BTK: variants seen among roughly 807,000 people sequenced by gnomAD.
BTK encodes the protein tyrosine-protein kinase BTK.
A neutral mutation model predicts 57.4 loss-of-function variants in BTK; 5 were observed. That is an observed-to-expected ratio of 0.09 (90% CI 0.05 to 0.18). The LOEUF is 0.18. Among genes scored for constraint, BTK ranks in the 10% least tolerant of loss-of-function variants. The pLI is 1.00. For synonymous variants in BTK, 154 were observed against 174.3 expected (o/e 0.88, Z 0.92); for missense variants, 194 against 501.2 (o/e 0.39, Z 5.85).
chrX:101,355,448 G>A, intron 15 of BTK: 1 of 119,012 alleles, frequency 8.4e-6, no homozygotes, highest in East Asian at 2.6e-4. Context: ...GGCAAGTTAA[G>A]TAAGAGTGAA....
At chrX:101,353,789 G>C in intron 17 of BTK, 81 bp downstream of exon 17, 1 of 802,661 alleles carries the variant, frequency 1.2e-6, no homozygotes. Context: ...CAATATCTCT[G>C]TGGAGGTTGC....
chrX:101,361,294 C>T (rs1223201862), intron 7 of BTK, among the ~76,000 whole-genome samples: 1 of 110,717 alleles, frequency 9.0e-6, no homozygotes, highest in African/African-American at 3.3e-5. Flanking sequence ...CAAAATCAAA[C>T]TCTCAGGAAT....
chrX:101,352,187 T>C (rs782678307), intron 18 of BTK, among the ~76,000 whole-genome samples: 25 of 108,305 alleles, frequency 2.3e-4, no homozygotes, highest in African/African-American at 4.1e-4. Context: ...AAAAATCTCA[T>C]TTAGGACCTC....
upstream of BTK, among the ~76,000 whole-genome samples, chrX:101,387,875 T>C (rs1437335123): frequency 2.8e-5 from 3 of 107,802 alleles, no homozygotes; most frequent in Non-Finnish European, 3.8e-5. Flanking sequence ...CTTCAGTTTT[T>C]TTTTTTTTTG....
intron 18 of BTK, among the ~76,000 whole-genome samples, chrX:101,352,534 G>A (rs1220880279): frequency 1.8e-5 from 2 of 112,010 alleles, no homozygotes; most frequent in East Asian, 5.6e-4. Flanking sequence ...GGAGGCCGAG[G>A]TGGGCGGATC....
chrX:101,350,924 G>C (rs1217876408), intron 18 of BTK, among the ~76,000 whole-genome samples: 5 of 111,913 alleles, frequency 4.5e-5, no homozygotes, highest in African/African-American at 1.6e-4. Context: ...GAATTTCCTG[G>C]GAAGTTTAAA....
At chrX:101,360,822 A>G (rs1926647426) in intron 7 of BTK, 67 bp from the exon 8 acceptor site, 1 of 1,067,304 alleles carries the variant, frequency 9.4e-7, no homozygotes, top group Non-Finnish European at 1.3e-6. Flanking sequence ...TTCTCTCCCA[A>G]CTCTCTGGCT....
intron 11 of BTK, 76 bp downstream of exon 11, chrX:101,358,541 C>T (rs1012321901): frequency 7.9e-5 from 93 of 1,171,145 alleles, no homozygotes; most frequent in African/African-American, 4.4e-4. Flanking sequence ...GGAAGTGGGA[C>T]GGGCACAGCA....
chrX:101,377,930 C>A (rs782351746), intron 1 of BTK: 1 of 111,706 alleles, frequency 9.0e-6, no homozygotes, highest in Admixed American at 9.5e-5. Flanking sequence ...TGTGGTAGCT[C>A]TTCCTTAGGT....
intron 15 of BTK, 149 bp downstream of exon 15, chrX:101,355,903 G>T: frequency 1.6e-6 from 1 of 609,739 alleles, no homozygotes; most frequent in Non-Finnish European, 2.8e-6. Flanking sequence ...CTCAGCACTG[G>T]GGCAGAGGCA....
chrX:101,378,817 T>C (rs1927307882), intron 1 of BTK, among the ~76,000 whole-genome samples: 1 of 111,452 alleles, frequency 9.0e-6, no homozygotes, highest in Non-Finnish European at 1.9e-5. Flanking sequence ...GAAATAGCAC[T>C]TGCAGAATCA....
intron 9 of BTK, among the ~76,000 whole-genome samples, chrX:101,359,800 G>A (rs1201193019): frequency 9.3e-6 from 1 of 107,335 alleles, no homozygotes; most frequent in Non-Finnish European, 1.9e-5. Context: ...AATTTGAGGT[G>A]GTGGCATCAT....
upstream of BTK, among the ~76,000 whole-genome samples, chrX:101,386,971 G>T (rs1311980494): frequency 9.0e-6 from 1 of 110,930 alleles, no homozygotes; most frequent in African/African-American, 3.3e-5. Context: ...ATTCCCCCAG[G>T]GATTCTCCTA....
At chrX:101,357,417 G>C (rs147141350) in intron 13 of BTK, 92 bp downstream of exon 13, 11 of 792,319 alleles carry the variant, frequency 1.4e-5, no homozygotes, top group South Asian at 2.1e-5. Flanking sequence ...CTGCAGAACA[G>C]TGTACCTCAA....
chrX:101,354,222 T>C lies in BTK; in HGVS notation c.1632-234A>G, dbSNP rs1451626526. The stretch of plus-strand genomic sequence containing the variant: ...AAGAAGGATGAAGTGAAATAAGATC[T>C]AGTAGGTACTCCCTTCCTCTTCTCT... On this transcript the variant is annotated intron_variant, in intron 16 of 18. Transcript: ENST00000308731. 5 of 426,502 alleles carry C rather than the reference T, an allele frequency of 1.2e-5. No individual in the cohort carries two copies. In the East Asian group the frequency reaches 1.2e-4, roughly 10 times the overall value. 35.1% of individuals were successfully genotyped at this position (426,502 alleles called of 1,213,427 possible). A position where few individuals can be genotyped will look rare whatever the true frequency, so the allele number is the denominator to read the frequency against.
Position 101,366,790 on chromosome X carries a change from T to A in BTK, c.391+3208A>T, listed in dbSNP as rs193206389. 8.9e-5 allele frequency among the ~76,000 whole-genome samples: 10 copies of A among 112,170 alleles called. No individual in the cohort carries two copies. In the East Asian group the frequency reaches 2.2e-3, roughly 25 times the overall value. ...CATAAGGGAAGAGAAGGCAAAGATG[T>A]GCCTAGCCACACTCCCTGATCACAC... On this transcript the variant is annotated intron_variant, in intron 5 of 18. Coordinates refer to ENST00000308731, the MANE Select transcript of BTK (RefSeq NM_000061.3).
At chrX:101,355,256 AAC>A (rs782236872) in intron 15 of BTK, among the ~76,000 whole-genome samples, 4 of 112,555 alleles carry the variant, frequency 3.6e-5, no homozygotes, top group Non-Finnish European at 7.5e-5. Context: ...TAGCCTGGGC[AAC>A]AGAGCGAGAC....
At chrX:101,376,329 C>A (rs1354337415) in intron 1 of BTK, among the ~76,000 whole-genome samples, 3 of 112,036 alleles carry the variant, frequency 2.7e-5, no homozygotes, top group Non-Finnish European at 5.6e-5. Flanking sequence ...CAAATGCTGT[C>A]ATAAAAATAG....
intron 5 of BTK, among the ~76,000 whole-genome samples, chrX:101,368,239 T>C (rs999335290): frequency 5.3e-5 from 6 of 112,731 alleles, no homozygotes; most frequent in Non-Finnish European, 1.1e-4. Context: ...TAAGCAGTAT[T>C]AAAGAGTTTG....
Sources: gnomAD v4.1 joint callset for allele counts (sites outside exome capture counted in the v4.1 genomes callset) on GRCh38, gnomAD v4.1.1 for gene constraint, MANE v1.5 for transcripts, NCBI Gene and HGNC (gene_info 2026-07-23, HGNC 2026-07-21) for gene names.